Variants in WDPCP observed in about 807,000 individuals in gnomAD.
The protein encoded by WDPCP is WD repeat containing planar cell polarity effector.
Under a neutral mutation model 93.1 loss-of-function variants are expected in WDPCP, and 71 were observed. That is an observed-to-expected ratio of 0.76 (90% CI 0.63 to 0.93). The LOEUF (loss-of-function observed/expected upper bound fraction) is 0.93. Ranked by LOEUF, WDPCP falls within the 40% of genes least tolerant of loss-of-function variation. WDPCP has a pLI of 0.00. For missense variants in WDPCP, 844 were observed against 887.4 expected, an observed-to-expected ratio of 0.95 and a Z score of 0.62; for synonymous variants, 315 against 315.0, an observed-to-expected ratio of 1.00 and a Z score of 0.00.
At chr2:63,364,356 C>T (rs1488029421) in intron 12 of WDPCP, among the ~76,000 whole-genome samples, 2 of 152,076 alleles carry the variant, frequency 1.3e-5, no homozygotes, top group Non-Finnish European at 2.9e-5. Context: ...TTTTCAGAGA[C>T]TTTTTATTGA....
Position 63,121,970 on chromosome 2 carries a change from G to T in WDPCP, c.*36C>A. 1.9e-6 allele frequency: 3 copies of T among 1,612,630 alleles called. No homozygotes were observed. The highest frequency in any genetic ancestry group is 2.5e-6 in the Non-Finnish European group (3 of 1,179,520). Reference sequence around the variant, plus strand: ...TCTGTATCAGGCCATGAAAAGTTTAGATATGAAGAAGGCAGTTTTCTTTTT... The same window carrying T: ...TCTGTATCAGGCCATGAAAAGTTTATATATGAAGAAGGCAGTTTTCTTTTT... On this transcript the variant is annotated 3_prime_UTR_variant, in exon 18 of 18. Coordinates refer to ENST00000272321, the MANE Select transcript of WDPCP (RefSeq NM_015910.7).
At chr2:63,810,457 T>C (rs1575779602) in intron 2 of WDPCP, among the ~76,000 whole-genome samples, 1 of 152,174 alleles carries the variant, frequency 6.6e-6, no homozygotes, top group East Asian at 1.9e-4. Context: ...AAAAGCTTCC[T>C]AGAGGAAATA....
At chr2:63,686,462 T>G (rs779257595) in intron 2 of WDPCP, among the ~76,000 whole-genome samples, 3 of 152,136 alleles carry the variant, frequency 2.0e-5, no homozygotes, top group Non-Finnish European at 2.9e-5. Flanking sequence ...AATGGAAAGA[T>G]ATCTCATGTT....
chr2:63,542,044 T>C (rs1465487706), intron 1 of WDPCP, among the ~76,000 whole-genome samples: 1 of 152,158 alleles, frequency 6.6e-6, no homozygotes, highest in South Asian at 2.1e-4. Flanking sequence ...AGCTAAGGAG[T>C]TGAGTTATAG....
intron 12 of WDPCP, among the ~76,000 whole-genome samples, chr2:63,355,272 G>A (rs1251692952): frequency 1.3e-5 from 2 of 152,088 alleles, no homozygotes; most frequent in African/African-American, 2.4e-5. Context: ...CAGGCCAGAA[G>A]AGATTGGGCA....
chr2:63,259,535 G>T, intron 13 of WDPCP, 126 bp from the exon 14 acceptor site: 1 of 825,122 alleles, frequency 1.2e-6, no homozygotes, highest in Non-Finnish European at 1.9e-6. Context: ...ATTCTTTTCT[G>T]TGTTTTAAGT....
At chr2:63,580,378 T>C (rs1294858557) in intron 1 of WDPCP, among the ~76,000 whole-genome samples, 1 of 152,204 alleles carries the variant, frequency 6.6e-6, no homozygotes, top group Non-Finnish European at 1.5e-5. Flanking sequence ...TTATTAATTA[T>C]AGGGGGAAGA....
At position 63,277,654 on chromosome 2, in the gene WDPCP, G is replaced by A. The variant is rs184001121; in HGVS notation, c.1813-18245C>T. On this transcript the variant is annotated intron_variant, in intron 13 of 17. Transcript: ENST00000272321. ...TAAGACAACAGCAGTTTAAAAAGAC[G>A]AAGAGAGACATTATATAATGATAAA... Among the ~76,000 whole-genome samples the A allele has an allele frequency of 2.1e-3, 324 of 152,184 alleles. 4 individuals carry two copies. Among genetic ancestry groups the A allele is most frequent in the Admixed American group, 0.016 (244 of 15,300 alleles).
chr2:63,233,964 T>C (rs1421149818), intron 14 of WDPCP, among the ~76,000 whole-genome samples: 3 of 152,152 alleles, frequency 2.0e-5, no homozygotes. Context: ...CATAGTATTA[T>C]AAAAATTAAG....
intron 13 of WDPCP, among the ~76,000 whole-genome samples, chr2:63,273,808 AACACACACACACACACACGCACACAC>A (rs919084414): frequency 4.9e-5 from 7 of 144,024 alleles, no homozygotes; most frequent in South Asian, 2.2e-4. Context: ...CCAACGCAGA[AACACACACACACACACACGCACACAC>A]ACACACACAC....
At chr2:63,403,466 TA>T (rs1383491941) in intron 10 of WDPCP, among the ~76,000 whole-genome samples, 1 of 152,172 alleles carries the variant, frequency 6.6e-6, no homozygotes, top group Non-Finnish European at 1.5e-5. Context: ...GCTATATTAA[TA>T]TATAATTTTA....
At chr2:63,185,930 CCAAA>C (rs2104153066) in intron 14 of WDPCP, among the ~76,000 whole-genome samples, 1 of 151,980 alleles carries the variant, frequency 6.6e-6, no homozygotes, top group African/African-American at 2.4e-5. Context: ...CCCCCACCTC[CCAAA>C]CAGTGAATGC....
intron 1 of WDPCP, among the ~76,000 whole-genome samples, chr2:63,523,113 T>C (rs1484877512): frequency 2.0e-5 from 3 of 152,086 alleles, no homozygotes; most frequent in Non-Finnish European, 4.4e-5. Context: ...TCCACCACAA[T>C]CAAGTAGGCA....
chr2:63,833,851 G>C, the WDPCP span, among the ~76,000 whole-genome samples: 3 of 152,132 alleles, frequency 2.0e-5, no homozygotes, highest in African/African-American at 7.2e-5. Context: ...AGTATGGTCA[G>C]TTTACTAAGC....
intron 1 of WDPCP, among the ~76,000 whole-genome samples, chr2:63,580,341 T>G (rs1009331246): frequency 2.0e-5 from 3 of 152,202 alleles, no homozygotes; most frequent in Admixed American, 2.0e-4. Flanking sequence ...AGGATATTAA[T>G]GTAGTCTCAA....
At chr2:63,324,920 G>A (rs1687415464) in intron 12 of WDPCP, among the ~76,000 whole-genome samples, 2 of 152,220 alleles carry the variant, frequency 1.3e-5, no homozygotes, top group African/African-American at 4.8e-5. Context: ...CTTTCCTCAA[G>A]TGGCTACAGG....
rs577460460 is a variant in WDPCP, at chr2:63,267,566, A to G, written c.1813-8157T>C. 1.1e-4 allele frequency among the ~76,000 whole-genome samples: 16 copies of G among 152,340 alleles called. 1 individual carries two copies. The South Asian group carries it at 3.3e-3, about 32-fold the overall frequency. On this transcript the variant is annotated intron_variant, in intron 13 of 17. Coordinates refer to ENST00000272321, the MANE Select transcript of WDPCP (RefSeq NM_015910.7). ...GAGATAAACCATGTATTGGGAGAAA[A>G]TATTTACAAACCATACATCTGATAA...
At chr2:63,549,822 C>T (rs1040071238) in intron 1 of WDPCP, among the ~76,000 whole-genome samples, 3 of 152,102 alleles carry the variant, frequency 2.0e-5, no homozygotes, top group Admixed American at 1.3e-4. Context: ...ATTAGGAAGA[C>T]GGACATAAGA....
At chr2:63,549,173 C>T (rs1178367713) in intron 1 of WDPCP, among the ~76,000 whole-genome samples, 1 of 148,350 alleles carries the variant, frequency 6.7e-6, no homozygotes, top group East Asian at 2.0e-4. Context: ...TCACTTGAAC[C>T]TGGGAGGCGG....
Sources: allele counts gnomAD v4.1 joint callset (sites outside exome capture counted in the v4.1 genomes callset), GRCh38; gene constraint gnomAD v4.1.1; transcripts MANE v1.5; gene names NCBI Gene and HGNC (gene_info 2026-07-23, HGNC 2026-07-21).